The following WDR70 variants were observed in gnomAD, a reference collection of about 807,000 sequenced individuals.
The protein encoded by WDR70 is WD repeat-containing protein 70.
In WDR70, 53 loss-of-function variants were observed where a neutral mutation model predicts 88.6. That is an observed-to-expected ratio of 0.60 (90% CI 0.48 to 0.75). The LOEUF (loss-of-function observed/expected upper bound fraction) is 0.75, where lower values mean the gene tolerates loss of function less well. Ranked by LOEUF, WDR70 falls within the 30% of genes least tolerant of loss-of-function variation. WDR70 has a pLI of 0.00. For missense variants in WDR70, 610 were observed against 823.2 expected, an observed-to-expected ratio of 0.74 and a Z score of 3.17; for synonymous variants, 280 against 270.0, an observed-to-expected ratio of 1.04 and a Z score of -0.36.
intron 9 of WDR70, among the ~76,000 whole-genome samples, chr5:37,580,453 T>G (rs1300934233): frequency 6.6e-6 from 1 of 152,236 alleles, no homozygotes; most frequent in Non-Finnish European, 1.5e-5. Context: ...GGAAACTTTG[T>G]TTTTCCCAGG....
chr5:37,494,869 T>G (rs1740169228), intron 8 of WDR70, among the ~76,000 whole-genome samples: 1 of 152,272 alleles, frequency 6.6e-6, no homozygotes. Context: ...GAATCCTTGA[T>G]TTATGCAAGC....
chr5:37,509,761 T>C (rs1313001842), intron 8 of WDR70, among the ~76,000 whole-genome samples: 1 of 151,794 alleles, frequency 6.6e-6, no homozygotes, highest in Non-Finnish European at 1.5e-5. Context: ...TTCAACAGGC[T>C]TTTCTTCACT....
intron 9 of WDR70, among the ~76,000 whole-genome samples, chr5:37,525,246 A>T (rs539823100): frequency 2.2e-4 from 33 of 152,344 alleles, no homozygotes; most frequent in African/African-American, 7.7e-4. Context: ...AGTCCTCAGC[A>T]AATGTAAAAG....
chr5:37,660,751 T>C (rs1745679313), intron 10 of WDR70, among the ~76,000 whole-genome samples: 1 of 152,216 alleles, frequency 6.6e-6, no homozygotes, highest in African/African-American at 2.4e-5. Flanking sequence ...AACTTTTGCT[T>C]TTTAATTGAA....
chr5:37,499,523 T>TTG (rs1380827863), intron 8 of WDR70, among the ~76,000 whole-genome samples: 3 of 148,158 alleles, frequency 2.0e-5, no homozygotes, highest in Admixed American at 1.3e-4. Flanking sequence ...TGTTTTTCAG[T>TTG]TTTTTTTTAA....
At chr5:37,631,662 G>A (rs764335820) in intron 10 of WDR70, among the ~76,000 whole-genome samples, 8 of 152,142 alleles carry the variant, frequency 5.3e-5, no homozygotes, top group Non-Finnish European at 8.8e-5. Flanking sequence ...TAGGCAGTCT[G>A]GCTCCAGGGT....
At chr5:37,518,341 C>G (rs983953353) in intron 9 of WDR70, among the ~76,000 whole-genome samples, 11 of 152,026 alleles carry the variant, frequency 7.2e-5, no homozygotes, top group African/African-American at 2.7e-4. Flanking sequence ...ATCCTTAACT[C>G]ATTCCCATAC....
At chr5:37,696,755 G>A (rs552591882) in intron 10 of WDR70, among the ~76,000 whole-genome samples, 5 of 152,288 alleles carry the variant, frequency 3.3e-5, no homozygotes, top group Middle Eastern at 3.4e-3. Context: ...TGGACCAAAT[G>A]TCTTTGTTCA....
intron 9 of WDR70, among the ~76,000 whole-genome samples, chr5:37,531,766 A>G (rs1357304528): frequency 6.6e-6 from 1 of 151,710 alleles, no homozygotes; most frequent in Non-Finnish European, 1.5e-5. Flanking sequence ...CAATGTTATT[A>G]TTGAGATGTG....
At chr5:37,700,841 G>A (rs1183956369) in intron 11 of WDR70, among the ~76,000 whole-genome samples, 1 of 152,088 alleles carries the variant, frequency 6.6e-6, no homozygotes, top group Non-Finnish European at 1.5e-5. Flanking sequence ...CTGCTCTTGC[G>A]ACTACCGCTT....
chr5:37,401,425 C>T (rs1259428219), intron 5 of WDR70, among the ~76,000 whole-genome samples: 3 of 151,544 alleles, frequency 2.0e-5, no homozygotes, highest in African/African-American at 4.8e-5. Context: ...AAGCAATTCT[C>T]CTGCCTCAGC....
chr5:37,447,849 A>C (rs914344878), intron 7 of WDR70, among the ~76,000 whole-genome samples: 1 of 152,220 alleles, frequency 6.6e-6, no homozygotes, highest in Non-Finnish European at 1.5e-5. Context: ...TGACGAGTTA[A>C]TGGGTGCAGC....
intron 13 of WDR70, among the ~76,000 whole-genome samples, chr5:37,707,712 CAAGA>C (rs1747368240): frequency 6.6e-6 from 1 of 151,040 alleles, no homozygotes; most frequent in South Asian, 2.1e-4. Context: ...GTCAGGAGTT[CAAGA>C]CCAGCCTGTC....
chr5:37,601,788 C>T (rs1174289463), intron 9 of WDR70, among the ~76,000 whole-genome samples: 1 of 152,090 alleles, frequency 6.6e-6, no homozygotes, highest in East Asian at 1.9e-4. Flanking sequence ...TATTGTGGCA[C>T]TATTCATAAC....
At chr5:37,668,017 C>T (rs923699984) in intron 10 of WDR70, among the ~76,000 whole-genome samples, 28 of 152,012 alleles carry the variant, frequency 1.8e-4, no homozygotes, top group African/African-American at 6.5e-4. Flanking sequence ...ACTCTAGTTT[C>T]GCAGGCTTAC....
chr5:37,451,013 C>A (rs1327775121), intron 7 of WDR70, among the ~76,000 whole-genome samples: 1 of 152,124 alleles, frequency 6.6e-6, no homozygotes, highest in African/African-American at 2.4e-5. Context: ...ATTCTCCTGC[C>A]TGAGCCTCCT....
intron 9 of WDR70, among the ~76,000 whole-genome samples, chr5:37,573,626 C>T (rs532439052): frequency 2.1e-5 from 3 of 146,208 alleles, no homozygotes; most frequent in South Asian, 4.4e-4. Flanking sequence ...TGAGAACATG[C>T]GGTGTTTGGT....
chr5:37,505,742 T>A, intron 8 of WDR70: 2 of 1,322,506 alleles, frequency 1.5e-6, no homozygotes, highest in Non-Finnish European at 2.2e-6. Flanking sequence ...CAAATATAGC[T>A]CCCTACACGT....
intron 8 of WDR70, among the ~76,000 whole-genome samples, chr5:37,512,482 G>A (rs981449671): frequency 1.3e-5 from 2 of 152,008 alleles, no homozygotes; most frequent in South Asian, 2.1e-4. Flanking sequence ...GCCTCCCAAA[G>A]TGTTGAGATT....
Sources: allele counts gnomAD v4.1 joint callset (sites outside exome capture counted in the v4.1 genomes callset), GRCh38; gene constraint gnomAD v4.1.1; transcripts MANE v1.5; gene names NCBI Gene and HGNC (gene_info 2026-07-23, HGNC 2026-07-21).